The following CIMIP6 variants were observed in gnomAD, a reference collection of about 807,000 sequenced individuals.
The protein encoded by CIMIP6 is ciliary microtubule inner protein 6.
At chr2:54,359,011 A>G in the CIMIP6 span, 13 of 1,557,188 alleles carry the variant, frequency 8.3e-6, no homozygotes, top group South Asian at 9.8e-5. Flanking sequence ...ATTTTATAGA[A>G]TACATCTCTT....
At chr2:54,380,997 C>G in the CIMIP6 span, among the ~76,000 whole-genome samples, 1 of 152,200 alleles carries the variant, frequency 6.6e-6, no homozygotes, top group Non-Finnish European at 1.5e-5. Flanking sequence ...GGTTTTGTGG[C>G]TGAATGACTG....
chr2:54,351,252 G>C, the CIMIP6 span, among the ~76,000 whole-genome samples: 1 of 152,036 alleles, frequency 6.6e-6, no homozygotes, highest in African/African-American at 2.4e-5. Context: ...CTGTTTTCCA[G>C]AACTACCATT....
the CIMIP6 span, among the ~76,000 whole-genome samples, chr2:54,342,653 A>G: frequency 6.6e-6 from 1 of 151,314 alleles, no homozygotes; most frequent in South Asian, 2.1e-4. Flanking sequence ...TTTTGCATCA[A>G]TGTAGCCTTA....
the CIMIP6 span, among the ~76,000 whole-genome samples, chr2:54,376,252 C>A: frequency 1.3e-5 from 2 of 151,830 alleles, no homozygotes; most frequent in Non-Finnish European, 2.9e-5. Flanking sequence ...CCATGTTGCC[C>A]GAGCTGGTCT....
chr2:54,376,413 T>C, the CIMIP6 span, among the ~76,000 whole-genome samples: 55 of 152,318 alleles, frequency 3.6e-4, no homozygotes, highest in African/African-American at 1.3e-3. Context: ...CACTAAGTCT[T>C]AAGGATCCCT....
chr2:54,370,677 A>C, the CIMIP6 span, among the ~76,000 whole-genome samples: 3 of 152,164 alleles, frequency 2.0e-5, no homozygotes, highest in Non-Finnish European at 4.4e-5. Context: ...TTTAGGAGAA[A>C]GTTCTGTTGC....
At chr2:54,334,731 AG>A in the CIMIP6 span, 3,407 of 921,902 alleles carry the variant, frequency 3.7e-3, 79 homozygotes, top group African/African-American at 0.051. Flanking sequence ...TGCTGTTTGT[AG>A]TATATTTAAA....
chr2:54,334,594 TATA>T, the CIMIP6 span, among the ~76,000 whole-genome samples: 2 of 152,228 alleles, frequency 1.3e-5, no homozygotes, highest in African/African-American at 4.8e-5. Context: ...ACTGGTATAT[TATA>T]ATGAGTAATC....
the CIMIP6 span, among the ~76,000 whole-genome samples, chr2:54,341,036 A>G: frequency 5.3e-5 from 8 of 152,198 alleles, no homozygotes; most frequent in Non-Finnish European, 8.8e-5. Flanking sequence ...CTTATCCCAG[A>G]GCCATTTTTC....
chr2:54,359,235 A>C, the CIMIP6 span, among the ~76,000 whole-genome samples: 1 of 152,166 alleles, frequency 6.6e-6, no homozygotes, highest in Non-Finnish European at 1.5e-5. Flanking sequence ...AATGTAAGGA[A>C]TAATACTATC....
At chr2:54,340,077 G>A in the CIMIP6 span, among the ~76,000 whole-genome samples, 1 of 73,954 alleles carries the variant, frequency 1.4e-5, no homozygotes, top group East Asian at 2.4e-4. Context: ...CCCGTCATCC[G>A]GAATCTCCAG....
chr2:54,383,667 A>C, the CIMIP6 span: 1 of 151,694 alleles, frequency 6.6e-6, no homozygotes, highest in African/African-American at 2.4e-5. Context: ...TTATTCGCGT[A>C]AATATATTTT....
the CIMIP6 span, among the ~76,000 whole-genome samples, chr2:54,349,393 T>C: frequency 6.6e-6 from 1 of 152,200 alleles, no homozygotes. Context: ...GTAAAACTCC[T>C]AAGTTCTCAC....
chr2:54,368,671 G>T, the CIMIP6 span, among the ~76,000 whole-genome samples: 1 of 152,296 alleles, frequency 6.6e-6, no homozygotes, highest in East Asian at 1.9e-4. Context: ...CCTCCAGAGG[G>T]ACTGGAGACT....
At chr2:54,368,030 TC>T in the CIMIP6 span, among the ~76,000 whole-genome samples, 1 of 152,180 alleles carries the variant, frequency 6.6e-6, no homozygotes, top group African/African-American at 2.4e-5. Flanking sequence ...GAGTTCTAGC[TC>T]TTTGTTTCAC....
chr2:54,364,046 T>C, the CIMIP6 span, among the ~76,000 whole-genome samples: 10 of 152,222 alleles, frequency 6.6e-5, no homozygotes, highest in Non-Finnish European at 1.3e-4. Flanking sequence ...TTATGGTTCC[T>C]CACAATGACT....
At chr2:54,372,099 C>A in the CIMIP6 span, among the ~76,000 whole-genome samples, 1 of 152,202 alleles carries the variant, frequency 6.6e-6, no homozygotes, top group Non-Finnish European at 1.5e-5. Flanking sequence ...TAAAGTAGGT[C>A]ACTATTATTA....
chr2:54,381,966 C>T, the CIMIP6 span: 1 of 1,546,728 alleles, frequency 6.5e-7, no homozygotes, highest in Non-Finnish European at 8.7e-7. Flanking sequence ...ATCTTATTTT[C>T]TCCTTGAAAT....
At chr2:54,368,352 T>C in the CIMIP6 span, among the ~76,000 whole-genome samples, 2 of 152,236 alleles carry the variant, frequency 1.3e-5, no homozygotes, top group Admixed American at 1.3e-4. Context: ...GTAATTCTTA[T>C]ATGCACTAGA....
Sources: allele counts gnomAD v4.1 joint callset (sites outside exome capture counted in the v4.1 genomes callset), GRCh38; gene constraint gnomAD v4.1.1; transcripts MANE v1.5; gene names NCBI Gene and HGNC (gene_info 2026-07-23, HGNC 2026-07-21).